SCNN1A: variants seen among roughly 807,000 people sequenced by gnomAD.
The protein encoded by SCNN1A is sodium channel epithelial 1 subunit alpha.
A neutral mutation model predicts 68.6 loss-of-function variants in SCNN1A; 65 were observed. The ratio of observed to expected loss-of-function variants is 0.95; its 90% CI spans 0.78 to 1.16. The LOEUF is 1.16. Ranked by LOEUF, SCNN1A falls within the 50% of genes most tolerant of loss-of-function variation. The probability of loss-of-function intolerance (pLI) is 0.00; values close to 1 mark genes in which losing one functional copy is unlikely to be tolerated. For synonymous variants in SCNN1A, 357 were observed against 353.3 expected, an observed-to-expected ratio of 1.01 and a Z score of -0.12; for missense variants, 880 against 865.9, an observed-to-expected ratio of 1.02 and a Z score of -0.20.
intron 4 of SCNN1A, chr12:6,356,196 G>A (rs1948495373): frequency 9.4e-6 from 4 of 423,948 alleles, no homozygotes; most frequent in African/African-American, 2.0e-5. Flanking sequence ...CTCTCACCAG[G>A]CCATCTGGGT....
At chr12:6,361,529 C>T (rs1173307527) in intron 4 of SCNN1A, among the ~76,000 whole-genome samples, 2 of 152,146 alleles carry the variant, frequency 1.3e-5, no homozygotes, top group Non-Finnish European at 2.9e-5. Context: ...CACCTGAGGT[C>T]AGGAGTTGGA....
At position 6,375,356 on chromosome 12, in the gene SCNN1A, G is replaced by C. The variant is rs1281181413; in HGVS notation, c.-55+149C>G. The C allele has an allele frequency of 2.8e-6, 4 of 1,450,172 alleles. No homozygotes were observed. In the African/African-American group the frequency reaches 5.7e-5, roughly 21 times the overall value. The allele number at this position is 1,450,172 out of a possible 1,614,324, so 89.8% of individuals were successfully genotyped here. On this transcript the variant is annotated intron_variant, in intron 1 of 12. Transcript: ENST00000228916. ...AGCTCCAGCCTCTGGCCCTGACCTCGAGCTGTGTCCTGATTCTGTCTCTGC... is the reference window on the plus strand; with the variant it reads ...AGCTCCAGCCTCTGGCCCTGACCTCCAGCTGTGTCCTGATTCTGTCTCTGC...
In SCNN1A at chr12:6,349,204, A is replaced by C; in HGVS notation, c.1457T>G (p.Leu486Arg). Residue 486 changes from leucine (L) to arginine (R), a missense_variant, in exon 10 of 13, where the codon CTC becomes CGC. Physicochemically the swap from Leu to Arg is moderately radical, Grantham distance 102 (BLOSUM62 -2). This residue lies in a region of SCNN1A where 758 missense variants were observed against 721.8 expected (regional missense o/e 1.05). Coordinates refer to ENST00000228916, the MANE Select transcript of SCNN1A (RefSeq NM_001038.6). ...GGGCCATCGTGAGTAACCAGCAGAGAGCTGGTAGCTGGTCACGCTGGGGAT... is the reference window on the plus strand; with the variant it reads ...GGGCCATCGTGAGTAACCAGCAGAGCGCTGGTAGCTGGTCACGCTGGGGAT... ...RKPCSVTSYQ[L>R]SAGYSRWPSV... is the part of the protein sequence containing the mutation. 1 of 1,614,066 alleles carries C rather than the reference A, an allele frequency of 6.2e-7. No homozygotes were observed. The highest frequency in any genetic ancestry group is 8.5e-7 in the Non-Finnish European group (1 of 1,179,976).
At chr12:6,356,161 C>A (rs1565479588) in intron 4 of SCNN1A, 1 of 499,840 alleles carries the variant, frequency 2.0e-6, no homozygotes, top group Non-Finnish European at 3.6e-6. Context: ...CCCAAGGTCA[C>A]ACATCTACCT....
rs2136845837 is a variant in SCNN1A at position 6,348,019 on chromosome 12, T to A, written c.1864A>T (p.Met622Leu). ...CCTGGCTGGGACAAGGACAGAGACA[T>A]GGGGTGGGGGCAGAAGTGGGAAGGA... ...SPPSHFCPHPMSLSLSQPGPA... is the reference protein window; with the variant it reads ...SPPSHFCPHPLSLSLSQPGPA... Residue 622 changes from methionine (M) to leucine (L), a missense_variant, in exon 13 of 13, where the codon ATG (methionine) becomes TTG (leucine). This residue lies in a region of SCNN1A where 758 missense variants were observed against 721.8 expected (regional missense o/e 1.05). Coordinates refer to ENST00000228916, the MANE Select transcript of SCNN1A (RefSeq NM_001038.6). 6.3e-7 allele frequency: 1 copy of A among 1,596,914 alleles called. No homozygotes were observed. Among genetic ancestry groups the A allele is most frequent in the Non-Finnish European group, 8.5e-7 (1 of 1,171,386 alleles).
chr12:6,363,861 G>T (rs950766818), intron 2 of SCNN1A, 151 bp from the exon 3 acceptor site: 72 of 642,738 alleles, frequency 1.1e-4, no homozygotes, highest in South Asian at 6.2e-4. Flanking sequence ...CCTCCTGGCC[G>T]TCCGGCGGTG....
At chr12:6,355,570 G>A (rs1565479220) in intron 5 of SCNN1A, 135 bp from the exon 6 acceptor site, 2 of 1,145,814 alleles carry the variant, frequency 1.7e-6, no homozygotes, top group Non-Finnish European at 2.5e-6. Context: ...CCCGCAAAGG[G>A]ACCTGGCAAC....
upstream of SCNN1A, among the ~76,000 whole-genome samples, chr12:6,376,639 G>T (rs1948915372): frequency 6.6e-6 from 1 of 152,230 alleles, no homozygotes; most frequent in Admixed American, 6.5e-5. Context: ...AAAGGATAAG[G>T]AGTGGAGTGC....
chr12:6,351,865 T>G lies in SCNN1A; in HGVS notation c.1361-2460A>C, dbSNP rs115720853. Among the ~76,000 whole-genome samples the G allele has an allele frequency of 4.0e-3, 616 of 152,126 alleles. 2 individuals are homozygous for G. Among genetic ancestry groups the G allele is most frequent in the African/African-American group, 0.014 (596 of 41,514 alleles). Reference sequence around the variant, plus strand: ...GCCTTGACCTCCTGGGCTCAGGTGATTCTCCCAGCTCAGCCTCCCAAGTGG... The same window carrying G: ...GCCTTGACCTCCTGGGCTCAGGTGAGTCTCCCAGCTCAGCCTCCCAAGTGG... On this transcript the variant is annotated intron_variant, in intron 8 of 12. Transcript: ENST00000228916. The surrounding 1 kb of genome is among the most constrained non-coding windows in gnomAD (Gnocchi z 4.2).
intron 11 of SCNN1A, 33 bp downstream of exon 11, chr12:6,348,917 C>T: frequency 6.2e-7 from 1 of 1,612,742 alleles, no homozygotes; most frequent in Non-Finnish European, 8.5e-7. Flanking sequence ...CCAAAGATTC[C>T]CTTCTTGTGG....
chr12:6,350,784 C>T (rs531811227), intron 8 of SCNN1A, among the ~76,000 whole-genome samples: 5 of 152,106 alleles, frequency 3.3e-5, no homozygotes, highest in African/African-American at 9.6e-5. Flanking sequence ...TTGTAGTTTG[C>T]CAAGATCGTG....
rs536488299 is a variant in SCNN1A at position 6,351,096 on chromosome 12, T to A, written c.1361-1691A>T. The stretch of plus-strand genomic sequence containing the variant: ...GTCCACACAAAAACTTGTACACAAA[T>A]GCTCACAGCAGCATTATTCACAATA... On this transcript the variant is annotated intron_variant, in intron 8 of 12. Coordinates refer to ENST00000228916, the MANE Select transcript of SCNN1A (RefSeq NM_001038.6). The surrounding 1 kb of genome is among the most constrained non-coding windows in gnomAD (Gnocchi z 4.2). 1.3e-5 allele frequency among the ~76,000 whole-genome samples: 2 copies of A among 152,262 alleles called. No homozygotes were observed. The highest frequency in any genetic ancestry group is 1.9e-4 in the East Asian group (1 of 5,182).
intron 4 of SCNN1A, chr12:6,356,298 T>A (rs1415354388): frequency 1.5e-5 from 4 of 268,434 alleles, no homozygotes; most frequent in African/African-American, 8.7e-5. Context: ...TGCATCTAAG[T>A]GTTAGTTCCC....
upstream of SCNN1A, chr12:6,375,849 G>A (rs1948897514): frequency 1.5e-6 from 2 of 1,333,434 alleles, no homozygotes; most frequent in Middle Eastern, 2.7e-4. Context: ...GCCAGGCTGA[G>A]AGGGCCTGGG....
intron 10 of SCNN1A, 30 bp downstream of exon 10, chr12:6,349,134 T>TC: frequency 6.2e-7 from 1 of 1,609,736 alleles, no homozygotes; most frequent in Non-Finnish European, 8.5e-7. Context: ...GGCACACACA[T>TC]CCCCCACCCA....
chr12:6,350,203 C>T (rs1326843888), intron 8 of SCNN1A, among the ~76,000 whole-genome samples: 6 of 149,786 alleles, frequency 4.0e-5, no homozygotes, highest in Admixed American at 1.3e-4. Context: ...GAGGCCGAGG[C>T]GGGTGGATCA....
Position 6,354,862 on chromosome 12 carries a change from T to C in SCNN1A, c.1144-14A>G, listed in dbSNP as rs377331126. 31 of 1,603,586 alleles carry C rather than the reference T, an allele frequency of 1.9e-5. No homozygotes were observed. In the African/African-American group the frequency reaches 3.3e-4, roughly 17 times the overall value. ...GTCCAGGGTTTCCTATGAACCCACATACACCAAGAGATCAGAGGACAGAGC... is the reference window on the plus strand; with the variant it reads ...GTCCAGGGTTTCCTATGAACCCACACACACCAAGAGATCAGAGGACAGAGC... On this transcript the variant is annotated splice_polypyrimidine_tract_variant and intron_variant, in intron 6 of 12. Coordinates refer to ENST00000228916, the MANE Select transcript of SCNN1A (RefSeq NM_001038.6).
intron 1 of SCNN1A, chr12:6,375,143 T>A: frequency 6.8e-7 from 1 of 1,470,206 alleles, no homozygotes; most frequent in Admixed American, 2.3e-5. Context: ...TTTCTGTCTC[T>A]GCCCCCTTCC....
At chr12:6,360,783 C>CG (rs1446332945) in intron 4 of SCNN1A, among the ~76,000 whole-genome samples, 2 of 151,886 alleles carry the variant, frequency 1.3e-5, no homozygotes, top group South Asian at 2.1e-4. Flanking sequence ...AGAAGGGGAC[C>CG]CCCCCCTCGC....
Sources: allele counts gnomAD v4.1 joint callset (sites outside exome capture counted in the v4.1 genomes callset), GRCh38; gene constraint gnomAD v4.1.1; regional missense constraint gnomAD v4.1.1; non-coding constraint Gnocchi (gnomAD v3.1); transcripts MANE v1.5; gene names NCBI Gene and HGNC (gene_info 2026-07-23, HGNC 2026-07-21).